Variants in PIGK observed in about 807,000 individuals in gnomAD.
PIGK encodes phosphatidylinositol glycan anchor biosynthesis class K.
PIGK carries 42 observed loss-of-function variants against 50.6 expected under a neutral mutation model. The ratio of observed to expected loss-of-function variants is 0.83; its 90% confidence interval spans 0.65 to 1.07. The LOEUF (loss-of-function observed/expected upper bound fraction) is 1.07, where lower values mean the gene tolerates loss of function less well. PIGK is among the 50% of genes least tolerant of loss of function. The pLI, the probability that PIGK is intolerant of heterozygous loss-of-function variation, is 0.00. For missense variants in PIGK, 448 were observed against 488.7 expected (o/e 0.92, Z 0.78); for synonymous variants, 151 against 156.0 (o/e 0.97, Z 0.24).
chr1:77,168,036 C>T (rs1194879535), intron 4 of PIGK, among the ~76,000 whole-genome samples: 1 of 151,038 alleles, frequency 6.6e-6, no homozygotes, highest in Non-Finnish European at 1.5e-5. Context: ...AAAAAAGTTC[C>T]ATATATATTT....
intron 8 of PIGK, among the ~76,000 whole-genome samples, chr1:77,161,025 G>A (rs947967259): frequency 1.3e-5 from 2 of 152,138 alleles, no homozygotes; most frequent in African/African-American, 4.8e-5. Flanking sequence ...GGTGGCCCCT[G>A]AAGAATATGT....
chr1:77,111,836 A>C (rs1270889684), intron 10 of PIGK, among the ~76,000 whole-genome samples: 1 of 152,176 alleles, frequency 6.6e-6, no homozygotes, highest in Admixed American at 6.6e-5. Flanking sequence ...CTATTGGCAT[A>C]TTTTAAACTA....
chr1:77,177,625 A>G (rs574403446), intron 3 of PIGK, among the ~76,000 whole-genome samples: 11 of 152,290 alleles, frequency 7.2e-5, no homozygotes, highest in African/African-American at 2.6e-4. Context: ...CTCAGCTCTG[A>G]AGGCTGTGAG....
At chr1:77,180,346 T>C (rs999619777) in intron 3 of PIGK, among the ~76,000 whole-genome samples, 3 of 151,984 alleles carry the variant, frequency 2.0e-5, no homozygotes, top group Admixed American at 2.0e-4. Flanking sequence ...TTTATGTAAA[T>C]AGATTCCACA....
chr1:77,130,461 A>G (rs938981592), intron 9 of PIGK, among the ~76,000 whole-genome samples: 2 of 152,106 alleles, frequency 1.3e-5, no homozygotes, highest in South Asian at 4.2e-4. Context: ...TCAACGTAGA[A>G]TTTTTTGACT....
rs1295202588 is a variant in PIGK at position 77,103,131 on chromosome 1, T to C, written c.1072-10641A>G. Among the ~76,000 whole-genome samples, 3 of 152,228 alleles carry C rather than the reference T, an allele frequency of 2.0e-5. No homozygotes were observed. The East Asian group carries it at 5.8e-4, about 29-fold the overall frequency. On this transcript the variant is annotated intron_variant, in intron 10 of 10. Transcript: ENST00000370812. ...TGTAAGTAATACTGAGTCCTAATTGTATCACATTATGAGGCATACAATATC... is the reference window on the plus strand; with the variant it reads ...TGTAAGTAATACTGAGTCCTAATTGCATCACATTATGAGGCATACAATATC...
intron 3 of PIGK, among the ~76,000 whole-genome samples, chr1:77,186,927 C>T (rs1655762046): frequency 6.6e-6 from 1 of 152,182 alleles, no homozygotes; most frequent in African/African-American, 2.4e-5. Context: ...ACGAAAAGGG[C>T]AGTGGTTTGT....
intron 2 of PIGK, among the ~76,000 whole-genome samples, chr1:77,208,629 G>A (rs1656347287): frequency 6.6e-6 from 1 of 152,146 alleles, no homozygotes; most frequent in Non-Finnish European, 1.5e-5. Context: ...AGTAGGCATT[G>A]AAATCCTCTC....
In PIGK at chr1:77,097,414, T is replaced by C. The variant is rs182136639; in HGVS notation, c.1072-4924A>G. The stretch of plus-strand genomic sequence containing the variant: ...TCCTCTTCCCTTTAAAGTTACCAAT[T>C]AGAGGTAATCACATGTTGCGCCCGT... On this transcript the variant is annotated intron_variant, in intron 10 of 10. Transcript: ENST00000370812. Among the ~76,000 whole-genome samples, 532 of 152,230 alleles carry C rather than the reference T, an allele frequency of 3.5e-3. 2 individuals carry two copies. Among genetic ancestry groups the C allele is most frequent in the African/African-American group, 0.012 (516 of 41,528 alleles).
At chr1:77,210,772 T>C (rs947500332) in intron 1 of PIGK, among the ~76,000 whole-genome samples, 1 of 152,006 alleles carries the variant, frequency 6.6e-6, no homozygotes, top group African/African-American at 2.4e-5. Flanking sequence ...TTAAGATACT[T>C]AACCTCCCTG....
intron 3 of PIGK, among the ~76,000 whole-genome samples, chr1:77,189,321 T>C (rs989822601): frequency 6.6e-6 from 1 of 152,172 alleles, no homozygotes; most frequent in African/African-American, 2.4e-5. Flanking sequence ...GATAGACTTG[T>C]GATGGTTACT....
intron 9 of PIGK, among the ~76,000 whole-genome samples, chr1:77,133,576 A>G (rs1291200695): frequency 6.6e-6 from 1 of 152,180 alleles, no homozygotes; most frequent in Non-Finnish European, 1.5e-5. Flanking sequence ...CATACTTAAG[A>G]AAGGTTATAT....
Position 77,150,485 on chromosome 1 carries a change from A to G in PIGK, c.986+3964T>C, listed in dbSNP as rs370463511. On this transcript the variant is annotated intron_variant, in intron 9 of 10. Coordinates refer to ENST00000370812, the MANE Select transcript of PIGK (RefSeq NM_005482.3). ...AGCTTGAGCAACAGAGCAAGACTCA[A>G]TCTCAAAAAAAAAAAAAAGAAAGAA... Among the ~76,000 whole-genome samples, 6 of 148,792 alleles carry G rather than the reference A, an allele frequency of 4.0e-5. No individual in the cohort carries two copies. The East Asian group carries it at 5.8e-4, about 14-fold the overall frequency.
rs541555480 is a variant in PIGK at position 77,181,238 on chromosome 1, A to G, written c.240-11843T>C. ...AGGTAAGCCCTTCATCAGGGCTGCT[A>G]GGCCATTCTTTACCTGCCTCCCTGA... is the stretch of plus-strand genomic sequence containing the variant. On this transcript the variant is annotated intron_variant, in intron 3 of 10. Coordinates refer to ENST00000370812, the MANE Select transcript of PIGK (RefSeq NM_005482.3). Among the ~76,000 whole-genome samples, 14 of 152,228 alleles carry G rather than the reference A, an allele frequency of 9.2e-5. No homozygotes were observed. In the South Asian group the frequency reaches 2.9e-3, roughly 32 times the overall value.
At chr1:77,098,269 G>C (rs1270111285) in intron 10 of PIGK, among the ~76,000 whole-genome samples, 1 of 151,756 alleles carries the variant, frequency 6.6e-6, no homozygotes, top group Non-Finnish European at 1.5e-5. Flanking sequence ...AAATGTAGGA[G>C]AATCTGTACG....
At chr1:77,117,743 CTCTTTTCCATTT>C (rs1182158207) in intron 10 of PIGK, among the ~76,000 whole-genome samples, 1 of 152,176 alleles carries the variant, frequency 6.6e-6, no homozygotes, top group Non-Finnish European at 1.5e-5. Context: ...ATCTGTCATT[CTCTTTTCCATTT>C]TCTTTGTCTT....
Position 77,159,312 on chromosome 1 carries a change from T to C in PIGK, c.813+1983A>G, listed in dbSNP as rs150581308. ...CAGAGGATGTATGGAAATGCCTAGA[T>C]GTCCAAGCAGAAGTTTGCTGCAGGG... is the stretch of plus-strand genomic sequence containing the variant. On this transcript the variant is annotated intron_variant, in intron 8 of 10. Coordinates refer to ENST00000370812, the MANE Select transcript of PIGK (RefSeq NM_005482.3). Among the ~76,000 whole-genome samples, 572 of 152,246 alleles carry C rather than the reference T, an allele frequency of 3.8e-3. 5 individuals are homozygous for C. Among genetic ancestry groups the C allele is most frequent in the African/African-American group, 0.013 (542 of 41,554 alleles).
chr1:77,142,185 G>A (rs1228784560), intron 9 of PIGK, among the ~76,000 whole-genome samples: 1 of 152,070 alleles, frequency 6.6e-6, no homozygotes, highest in East Asian at 1.9e-4. Flanking sequence ...GGAAAGTCAG[G>A]CTAATAATAA....
At chr1:77,095,081 C>A (rs965512668) in intron 10 of PIGK, among the ~76,000 whole-genome samples, 1 of 152,162 alleles carries the variant, frequency 6.6e-6, no homozygotes, top group East Asian at 1.9e-4. Context: ...TCTTAATGTT[C>A]GTTCAATACA....
Sources: allele counts gnomAD v4.1 joint callset (sites outside exome capture counted in the v4.1 genomes callset), GRCh38; gene constraint gnomAD v4.1.1; transcripts MANE v1.5; gene names NCBI Gene and HGNC (gene_info 2026-07-23, HGNC 2026-07-21).